LRRC3B: variants seen among roughly 807,000 people sequenced by gnomAD.
LRRC3B encodes the protein leucine rich repeat containing 3B.
A neutral mutation model predicts 12.8 loss-of-function variants in LRRC3B; 2 were observed. The observed-to-expected ratio is 0.16, with a 90% CI of 0.06 to 0.49. The LOEUF (loss-of-function observed/expected upper bound fraction) is 0.49. Among genes scored for constraint, LRRC3B ranks in the 20% least tolerant of loss-of-function variants. LRRC3B has a pLI of 0.96. For missense variants in LRRC3B, 189 were observed against 319.4 expected (o/e 0.59, Z 3.11); for synonymous variants, 132 against 122.0 (o/e 1.08, Z -0.54).
At chr3:26,658,348 A>G (rs1699420727) in intron 1 of LRRC3B, among the ~76,000 whole-genome samples, 1 of 152,204 alleles carries the variant, frequency 6.6e-6, no homozygotes, top group South Asian at 2.1e-4. Context: ...GTGAGCCACC[A>G]CGCCCGGCCA....
At position 26,709,557 on chromosome 3, in the gene LRRC3B, C is replaced by A; in HGVS notation, c.-116C>A. ...AATAATGAAGAGACACATGTGTTAG[C>A]TGCAGCCTTTTGAAACACGCAAGAA... is the stretch of plus-strand genomic sequence containing the variant. On this transcript the variant is annotated 5_prime_UTR_variant, in exon 2 of 2. The change creates a new upstream start codon in the 5' untranslated region. Coordinates refer to ENST00000396641, the Ensembl canonical transcript of LRRC3B. 1 of 995,658 alleles carries A rather than the reference C, an allele frequency of 1.0e-6. No individual in the cohort carries two copies. Among genetic ancestry groups the A allele is most frequent in the Non-Finnish European group, 1.5e-6 (1 of 661,420 alleles). 61.7% of individuals were successfully genotyped at this position (995,658 alleles called of 1,614,324 possible).
intron 1 of LRRC3B, among the ~76,000 whole-genome samples, chr3:26,707,780 T>G (rs75005924): frequency 0.026 from 301 of 11,586 alleles, 2 homozygotes; most frequent in African/African-American, 0.24. Flanking sequence ...ACACCTGTTT[T>G]TTTTTTTCTT....
intron 1 of LRRC3B, among the ~76,000 whole-genome samples, chr3:26,636,798 GTCTT>G (rs1698882582): frequency 7.5e-6 from 1 of 133,406 alleles, no homozygotes; most frequent in African/African-American, 3.1e-5. Context: ...GAGTGCTGTA[GTCTT>G]TCTTTCCCTC....
chr3:26,699,725 T>A (rs1700407637), intron 1 of LRRC3B, among the ~76,000 whole-genome samples: 1 of 152,176 alleles, frequency 6.6e-6, no homozygotes, highest in Admixed American at 6.6e-5. Flanking sequence ...AGATTAGATG[T>A]TAAAAGTTTG....
At position 26,710,362 on chromosome 3, in the gene LRRC3B, G is replaced by A. The variant is rs759113122; in HGVS notation, c.690G>A (p.Glu230=). The A allele has an allele frequency of 5.6e-6, 9 of 1,614,042 alleles. No individual in the cohort carries two copies. In the East Asian group the frequency reaches 2.0e-4, roughly 36 times the overall value. ...TATATTATGTGAGGCAAAATCAGGAGGATGCCCGGAGACACCTCGAATACT... is the reference window on the plus strand; with the variant it reads ...TATATTATGTGAGGCAAAATCAGGAAGATGCCCGGAGACACCTCGAATACT... Residue 230 remains glutamate (E), a synonymous_variant, in exon 2 of 2, where the codon GAG becomes GAA. Coordinates refer to ENST00000396641, the Ensembl canonical transcript of LRRC3B.
intron 1 of LRRC3B, among the ~76,000 whole-genome samples, chr3:26,629,170 C>T (rs753565417): frequency 6.6e-6 from 1 of 151,552 alleles, no homozygotes; most frequent in African/African-American, 2.4e-5. Flanking sequence ...ATTCTCTTTT[C>T]CTCCTCTACC....
chr3:26,671,304 C>A (rs531693963), intron 1 of LRRC3B, among the ~76,000 whole-genome samples: 1 of 141,806 alleles, frequency 7.1e-6, no homozygotes, highest in Non-Finnish European at 1.5e-5. Flanking sequence ...CGTGAGCCAC[C>A]GCGCCCGGCC....
chr3:26,623,160 C>A (rs1698548870), exon 1 of LRRC3B: 1 of 152,332 alleles, frequency 6.6e-6, no homozygotes, highest in Admixed American at 6.5e-5. Context: ...GCGGGCACAC[C>A]CCTAAGCATA....
chr3:26,663,681 C>G (rs769766869), intron 1 of LRRC3B, among the ~76,000 whole-genome samples: 1 of 152,044 alleles, frequency 6.6e-6, no homozygotes, highest in Non-Finnish European at 1.5e-5. Flanking sequence ...TGTTTTAGTC[C>G]TTACTCTGAA....
At chr3:26,669,758 G>A (rs1209359333) in intron 1 of LRRC3B, among the ~76,000 whole-genome samples, 1 of 152,196 alleles carries the variant, frequency 6.6e-6, no homozygotes, top group Non-Finnish European at 1.5e-5. Context: ...GGTTGCCGGT[G>A]AAAGATGATT....
chr3:26,624,181 C>A (rs1559345870), intron 1 of LRRC3B: 1 of 152,294 alleles, frequency 6.6e-6, no homozygotes, highest in Non-Finnish European at 1.5e-5. Context: ...ATGGGGCGAT[C>A]TTCCTCCCCA....
chr3:26,665,885 T>C (rs1699588137), intron 1 of LRRC3B, among the ~76,000 whole-genome samples: 2 of 152,170 alleles, frequency 1.3e-5, no homozygotes, highest in African/African-American at 4.8e-5. Flanking sequence ...ACTGGGTTCT[T>C]TGAAATAAAT....
chr3:26,676,773 AAAGACAC>A (rs1266569442), intron 1 of LRRC3B, among the ~76,000 whole-genome samples: 1 of 152,220 alleles, frequency 6.6e-6, no homozygotes, highest in African/African-American at 2.4e-5. Flanking sequence ...ATGCTGCTAT[AAAGACAC>A]ATGCACACGT....
At chr3:26,659,292 C>T (rs1220638476) in intron 1 of LRRC3B, among the ~76,000 whole-genome samples, 2 of 152,140 alleles carry the variant, frequency 1.3e-5, no homozygotes, top group Non-Finnish European at 2.9e-5. Context: ...GCATTCTTAC[C>T]ATGCTCACAT....
At chr3:26,700,368 T>C (rs1700423414) in intron 1 of LRRC3B, among the ~76,000 whole-genome samples, 1 of 152,048 alleles carries the variant, frequency 6.6e-6, no homozygotes, top group Non-Finnish European at 1.5e-5. Context: ...AAAAGAGATA[T>C]AGAAACCAAT....
At chr3:26,707,978 C>G (rs1415163846) in intron 1 of LRRC3B, among the ~76,000 whole-genome samples, 1 of 152,184 alleles carries the variant, frequency 6.6e-6, no homozygotes, top group Non-Finnish European at 1.5e-5. Context: ...CACGTCTGCT[C>G]CATTCTGCTG....
intron 1 of LRRC3B, among the ~76,000 whole-genome samples, chr3:26,708,944 A>G (rs1233856661): frequency 6.6e-6 from 1 of 152,182 alleles, no homozygotes; most frequent in African/African-American, 2.4e-5. Context: ...ACTATCCTGG[A>G]GGTTCTTGGT....
At chr3:26,707,199 GAAA>G (rs34703302) in intron 1 of LRRC3B, among the ~76,000 whole-genome samples, 5,477 of 129,960 alleles carry the variant, frequency 0.042, 113 homozygotes, top group African/African-American at 0.058. Flanking sequence ...TAAAAATACA[GAAA>G]AAAAAAAAAA....
intron 1 of LRRC3B, among the ~76,000 whole-genome samples, chr3:26,667,750 G>A (rs891223467): frequency 3.7e-4 from 57 of 152,262 alleles, no homozygotes; most frequent in African/African-American, 1.3e-3. Flanking sequence ...AGAACAGACT[G>A]AGAAATATAA....
Sources: allele counts gnomAD v4.1 joint callset (sites outside exome capture counted in the v4.1 genomes callset), GRCh38; gene constraint gnomAD v4.1.1; transcripts MANE v1.5; gene names NCBI Gene and HGNC (gene_info 2026-07-23, HGNC 2026-07-21).